The following SLC9A2 variants were observed in gnomAD, a reference collection of about 807,000 sequenced individuals.
SLC9A2 encodes solute carrier family 9 member A2.
Under a neutral mutation model 71.7 loss-of-function variants are expected in SLC9A2, and 42 were observed. The observed-to-expected ratio is 0.59, with a 90% CI of 0.46 to 0.76. The LOEUF (loss-of-function observed/expected upper bound fraction) is 0.76, where lower values mean the gene tolerates loss of function less well. Ranked by LOEUF, SLC9A2 falls within the 30% of genes least tolerant of loss-of-function variation. SLC9A2 has a pLI of 0.00. For missense variants in SLC9A2, 829 were observed against 1,017.4 expected, an observed-to-expected ratio of 0.81 and a Z score of 2.52; for synonymous variants, 396 against 392.5, an observed-to-expected ratio of 1.01 and a Z score of -0.10.
At chr2:102,651,429 G>T (rs1166829279) in intron 1 of SLC9A2, among the ~76,000 whole-genome samples, 1 of 152,080 alleles carries the variant, frequency 6.6e-6, no homozygotes, top group Non-Finnish European at 1.5e-5. Flanking sequence ...TAGCCTCTTT[G>T]CTCAAGGTGC....
Position 102,702,466 on chromosome 2 carries a change from A to G in SLC9A2, c.1809A>G (p.Glu603=). The change falls in exon 9 of 12, where the codon GAA becomes GAG. Residue 603 remains glutamate, a synonymous_variant. Coordinates refer to ENST00000233969, the MANE Select transcript of SLC9A2 (RefSeq NM_003048.6). ...VTSSETDEIR[E]LLSRNLYQIR... ...CCAGTGAAACTGATGAAATTCGAGA[A>G]CTCTTATCAAGAAATCTCTATCAAA... 3 of 1,601,104 alleles carry G rather than the reference A, an allele frequency of 1.9e-6. No individual in the cohort carries two copies. The highest frequency in any genetic ancestry group is 2.6e-6 in the Non-Finnish European group (3 of 1,173,694).
rs1319885784 is a variant in SLC9A2 at position 102,709,613 on chromosome 2, T to C, written c.*1124T>C. 6.5e-6 allele frequency: 1 copy of C among 152,792 alleles called. No homozygotes were observed. The highest frequency in any genetic ancestry group is 1.5e-5 in the Non-Finnish European group (1 of 68,034). The allele number at this position is 152,792 out of a possible 1,614,324, so 9.5% of individuals were successfully genotyped here. Reference sequence around the variant, plus strand: ...GGAGAATGTGGGAGTCCTACTGTTTTGCACTAGTCTGTAATTTGTTACCTC... The same window carrying C: ...GGAGAATGTGGGAGTCCTACTGTTTCGCACTAGTCTGTAATTTGTTACCTC... On this transcript the variant is annotated 3_prime_UTR_variant, in exon 12 of 12. Coordinates refer to ENST00000233969, the MANE Select transcript of SLC9A2 (RefSeq NM_003048.6).
chr2:102,707,548 C>T (rs1161819772), intron 11 of SLC9A2, among the ~76,000 whole-genome samples: 1 of 152,160 alleles, frequency 6.6e-6, no homozygotes, highest in Non-Finnish European at 1.5e-5. Flanking sequence ...GCTTCCAAAG[C>T]TGTCTCCTCC....
At chr2:102,631,657 C>T (rs923203950) in intron 1 of SLC9A2, among the ~76,000 whole-genome samples, 6 of 152,002 alleles carry the variant, frequency 3.9e-5, no homozygotes, top group African/African-American at 1.4e-4. Context: ...GTTTTAAGGA[C>T]ATACTTTCTA....
In SLC9A2 at chr2:102,694,419, A is replaced by T; in HGVS notation, c.1431A>T (p.Ile477=). Residue 477 remains isoleucine (I), a synonymous_variant, in exon 6 of 12, where the codon ATA becomes ATT. Transcript: ENST00000233969. ...AAATTGTGTTTCCTGTTCAGGGAAT[A>T]ACTATTCGACCACTGGTGGAGTTTC... The part of the protein sequence containing the change: ...VIFFTVFILG[I]TIRPLVEFLD... 1.4e-6 allele frequency: 2 copies of T among 1,462,152 alleles called. No individual in the cohort carries two copies. The highest frequency in any genetic ancestry group is 1.5e-5 in the South Asian group (1 of 65,690). The allele number at this position is 1,462,152 out of a possible 1,614,324, so 90.6% of individuals were successfully genotyped here.
In SLC9A2 at chr2:102,702,435, T is replaced by C; in HGVS notation, c.1778T>C (p.Val593Ala). ...NDCREEKIRK[V>A]TSSETDEIRE... ...TGTCGTGAAGAAAAAATAAGGAAGG[T>C]CACGTCCAGTGAAACTGATGAAATT... The change falls in exon 9 of 12, where the codon GTC becomes GCC. Residue 593 changes from valine to alanine, a missense_variant. Val to Ala is a moderately conservative substitution (Grantham distance 64). Around this residue, in one of 3 missense-constraint regions of SLC9A2, gnomAD observed 500 missense variants for 726.3 expected, o/e 0.69. Transcript: ENST00000233969. 6.2e-7 allele frequency: 1 copy of C among 1,600,484 alleles called. No homozygotes were observed. The highest frequency in any genetic ancestry group is 2.3e-5 in the East Asian group (1 of 44,276).
At chr2:102,703,555 A>G (rs1292676068) in intron 9 of SLC9A2, among the ~76,000 whole-genome samples, 1 of 152,170 alleles carries the variant, frequency 6.6e-6, no homozygotes, top group South Asian at 2.1e-4. Flanking sequence ...TACCATGTAG[A>G]TACAGCACTT....
At chr2:102,658,557 G>A (rs1052498768) in intron 2 of SLC9A2, among the ~76,000 whole-genome samples, 1 of 151,372 alleles carries the variant, frequency 6.6e-6, no homozygotes, top group African/African-American at 2.4e-5. Context: ...TTTACGGAAA[G>A]TTTTTGTCAC....
intron 7 of SLC9A2, among the ~76,000 whole-genome samples, chr2:102,698,638 G>T (rs1156399466): frequency 2.0e-5 from 3 of 152,180 alleles, no homozygotes; most frequent in Non-Finnish European, 4.4e-5. Context: ...GGTGTGATTG[G>T]AGTGAGGTGA....
At chr2:102,654,472 A>G (rs1676899413) in intron 1 of SLC9A2, among the ~76,000 whole-genome samples, 1 of 152,180 alleles carries the variant, frequency 6.6e-6, no homozygotes, top group South Asian at 2.1e-4. Context: ...TGAATGCTCA[A>G]CATACAGATG....
intron 3 of SLC9A2, among the ~76,000 whole-genome samples, chr2:102,680,490 C>T (rs868554184): frequency 1.4e-4 from 22 of 152,142 alleles, no homozygotes; most frequent in African/African-American, 5.3e-4. Flanking sequence ...GTTCCTATTG[C>T]CTGCTGGAGG....
intron 8 of SLC9A2, among the ~76,000 whole-genome samples, chr2:102,702,054 A>G (rs1208911869): frequency 1.3e-5 from 2 of 152,194 alleles, no homozygotes; most frequent in Non-Finnish European, 2.9e-5. Context: ...TTAATGGTAA[A>G]TTGAAGTCAA....
rs77654791 is a variant in SLC9A2, at chr2:102,626,962, A to G, written c.289+6825A>G. Reference sequence around the variant, plus strand: ...ATTATTTCACCTAGATTGAATCCCTAAGAAGTATACAATGAACTGTTTGCA... The same window carrying G: ...ATTATTTCACCTAGATTGAATCCCTGAGAAGTATACAATGAACTGTTTGCA... On this transcript the variant is annotated intron_variant, in intron 1 of 11. Coordinates refer to ENST00000233969, the MANE Select transcript of SLC9A2 (RefSeq NM_003048.6). Among the ~76,000 whole-genome samples, 1,325 of 152,256 alleles carry G rather than the reference A, an allele frequency of 8.7e-3. 12 individuals carry two copies. Among genetic ancestry groups the G allele is most frequent in the African/African-American group, 0.03 (1,266 of 41,530 alleles).
Position 102,657,754 on chromosome 2 carries a change from C to T in SLC9A2, c.480C>T (p.Arg160=), listed in dbSNP as rs1676971252. 1 of 1,614,184 alleles carries T rather than the reference C, an allele frequency of 6.2e-7. No homozygotes were observed. The change falls in exon 2 of 12, where the codon CGC becomes CGT. Residue 160 remains arginine (R), a synonymous_variant. Coordinates refer to ENST00000233969, the MANE Select transcript of SLC9A2 (RefSeq NM_003048.6). ...ATGCCGGCTATTTCATGCCCACTCG[C>T]CCATTCTTTGAGAACATTGGCACGA... The part of the protein sequence containing the change: ...VLDAGYFMPT[R]PFFENIGTIF...
chr2:102,678,525 G>A (rs916151266), intron 3 of SLC9A2, among the ~76,000 whole-genome samples: 1 of 152,090 alleles, frequency 6.6e-6, no homozygotes, highest in Non-Finnish European at 1.5e-5. Flanking sequence ...TTTTGTTGGG[G>A]ACAATGTCAT....
chr2:102,709,488 G>A lies in SLC9A2; in HGVS notation c.*999G>A, dbSNP rs181873345. On this transcript the variant is annotated 3_prime_UTR_variant, in exon 12 of 12. Transcript: ENST00000233969. ...TTGAATTTTGAGCCTCCAGGTTAGAGGCTCCAAGCAGACAAAGAAGAAAGT... is the reference window on the plus strand; with the variant it reads ...TTGAATTTTGAGCCTCCAGGTTAGAAGCTCCAAGCAGACAAAGAAGAAAGT... 2.8e-3 allele frequency: 424 copies of A among 152,518 alleles called. 1 individual carries two copies. The highest frequency in any genetic ancestry group is 1.0e-2 in the African/African-American group (412 of 41,266). The allele number at this position is 152,518 out of a possible 1,614,324, so 9.4% of individuals were successfully genotyped here. A position where few individuals can be genotyped will look rare whatever the true frequency, so the allele number is the denominator to read the frequency against.
chr2:102,639,946 T>C (rs147818813), intron 1 of SLC9A2, among the ~76,000 whole-genome samples: 2 of 152,280 alleles, frequency 1.3e-5, no homozygotes, highest in African/African-American at 4.8e-5. Context: ...TATAGACCAG[T>C]GGCTGTTCAT....
At chr2:102,671,708 T>G (rs1364455173) in intron 3 of SLC9A2, among the ~76,000 whole-genome samples, 1 of 152,222 alleles carries the variant, frequency 6.6e-6, no homozygotes. Context: ...ACAAAAATAG[T>G]AGGTTGTCAC....
chr2:102,632,129 CAT>C (rs1209580397), intron 1 of SLC9A2, among the ~76,000 whole-genome samples: 1 of 85,166 alleles, frequency 1.2e-5, no homozygotes, highest in South Asian at 3.7e-4. Flanking sequence ...TACATATATA[CAT>C]ATATATGTAT....
Sources: gnomAD v4.1 joint callset for allele counts (sites outside exome capture counted in the v4.1 genomes callset) on GRCh38, gnomAD v4.1.1 for gene constraint, gnomAD v4.1.1 regional missense constraint, MANE v1.5 for transcripts, NCBI Gene and HGNC (gene_info 2026-07-23, HGNC 2026-07-21) for gene names.